The following NECAB1 variants were observed in gnomAD, a reference collection of about 807,000 sequenced individuals.
NECAB1 encodes N-terminal EF-hand calcium binding protein 1.
In NECAB1, 29 loss-of-function variants were observed where a neutral mutation model predicts 57.5. The observed-to-expected ratio is 0.50, with a 90% CI of 0.38 to 0.69. NECAB1 has a LOEUF of 0.69. Ranked by LOEUF, NECAB1 falls within the 30% of genes least tolerant of loss-of-function variation. NECAB1 has a pLI of 0.00. For missense variants in NECAB1, 372 were observed against 413.8 expected (o/e 0.90, Z 0.88); for synonymous variants, 142 against 147.7 (o/e 0.96, Z 0.28).
chr8:90,867,479 A>T (rs1808539743), intron 3 of NECAB1, among the ~76,000 whole-genome samples: 3 of 152,230 alleles, frequency 2.0e-5, no homozygotes, highest in Admixed American at 2.0e-4. Flanking sequence ...TAAGCTATCT[A>T]ATCTGAATCT....
chr8:90,802,239 G>A (rs1811768829), intron 2 of NECAB1, among the ~76,000 whole-genome samples: 1 of 152,172 alleles, frequency 6.6e-6, no homozygotes, highest in Non-Finnish European at 1.5e-5. Flanking sequence ...ATTGTTCCTG[G>A]CCACTGCTTT....
chr8:90,916,962 T>C (rs1809968545), intron 5 of NECAB1, among the ~76,000 whole-genome samples: 1 of 152,154 alleles, frequency 6.6e-6, no homozygotes, highest in East Asian at 1.9e-4. Context: ...AATCCTAACA[T>C]TTTCTGAATT....
chr8:90,836,023 TAAACTC>T (rs891119032), intron 3 of NECAB1, among the ~76,000 whole-genome samples: 27 of 152,326 alleles, frequency 1.8e-4, no homozygotes, highest in South Asian at 1.7e-3. Context: ...GACTCTCAGT[TAAACTC>T]AAGCACTTTT....
intron 3 of NECAB1, among the ~76,000 whole-genome samples, chr8:90,839,885 G>A (rs946971552): frequency 6.6e-6 from 1 of 152,292 alleles, no homozygotes; most frequent in East Asian, 1.9e-4. Context: ...TTAGGTTTAT[G>A]TTTTCAAAAG....
At chr8:90,860,653 G>A (rs1177713039) in intron 3 of NECAB1, among the ~76,000 whole-genome samples, 1 of 152,150 alleles carries the variant, frequency 6.6e-6, no homozygotes, top group Non-Finnish European at 1.5e-5. Context: ...CATAGCTTTT[G>A]TCAGATTCTC....
At chr8:90,828,414 T>C (rs1203117563) in intron 3 of NECAB1, among the ~76,000 whole-genome samples, 1 of 152,046 alleles carries the variant, frequency 6.6e-6, no homozygotes, top group Non-Finnish European at 1.5e-5. Context: ...GCAGTTGTAA[T>C]CACCTTTCAA....
At chr8:90,881,930 C>A in intron 5 of NECAB1, among the ~76,000 whole-genome samples, 1 of 152,106 alleles carries the variant, frequency 6.6e-6, no homozygotes, top group Admixed American at 6.5e-5. Context: ...GGGAACAGCA[C>A]GTGCAGAGGC....
intron 5 of NECAB1, among the ~76,000 whole-genome samples, chr8:90,907,151 T>TGAGAGAGAGAGA (rs71266152): frequency 1.6e-4 from 16 of 102,032 alleles, no homozygotes; most frequent in East Asian, 3.0e-4. Context: ...TGTGTGTGTG[T>TGAGAGAGAGAGA]GAGAGAGAGA....
intron 3 of NECAB1, among the ~76,000 whole-genome samples, chr8:90,827,945 TA>T (rs34771510): frequency 6.6e-6 from 1 of 151,740 alleles, no homozygotes; most frequent in African/African-American, 2.4e-5. Context: ...TGTAATTATT[TA>T]AAAAAAAGTC....
intron 5 of NECAB1, among the ~76,000 whole-genome samples, chr8:90,890,797 G>C (rs1169435259): frequency 1.3e-5 from 2 of 152,124 alleles, no homozygotes; most frequent in Non-Finnish European, 2.9e-5. Context: ...TTCCATTCTA[G>C]GAAATGAAAG....
At chr8:90,894,337 T>C (rs1207702904) in intron 5 of NECAB1, among the ~76,000 whole-genome samples, 1 of 152,212 alleles carries the variant, frequency 6.6e-6, no homozygotes, top group Non-Finnish European at 1.5e-5. Context: ...AGGTCATTTA[T>C]ATACATTAAA....
chr8:90,827,002 A>T (rs1386198848), intron 3 of NECAB1, among the ~76,000 whole-genome samples: 1 of 151,904 alleles, frequency 6.6e-6, no homozygotes, highest in Non-Finnish European at 1.5e-5. Context: ...TCTGAATTAT[A>T]TTCATGAAAT....
chr8:90,841,069 A>G (rs1812446713), intron 3 of NECAB1, among the ~76,000 whole-genome samples: 1 of 151,518 alleles, frequency 6.6e-6, no homozygotes. Context: ...CATCCTGGCT[A>G]ACATGTGAAA....
intron 2 of NECAB1, among the ~76,000 whole-genome samples, chr8:90,807,423 G>A (rs775012611): frequency 3.3e-5 from 5 of 152,142 alleles, no homozygotes; most frequent in Admixed American, 6.5e-5. Context: ...GGTTCGGTAC[G>A]TATGAGTATT....
intron 3 of NECAB1, among the ~76,000 whole-genome samples, chr8:90,834,881 C>A (rs1337699627): frequency 6.6e-6 from 1 of 152,040 alleles, no homozygotes; most frequent in Non-Finnish European, 1.5e-5. Flanking sequence ...CTTATACTAT[C>A]CCCCATAACC....
At chr8:90,796,021 G>A (rs1002787901) in intron 1 of NECAB1, among the ~76,000 whole-genome samples, 1 of 152,118 alleles carries the variant, frequency 6.6e-6, no homozygotes, top group East Asian at 1.9e-4. Flanking sequence ...AATACACTTA[G>A]TCTTACTGTT....
At position 90,805,866 on chromosome 8, in the gene NECAB1, G is replaced by A. The variant is rs570425993; in HGVS notation, c.124+4151G>A. ...ATTAAAACATTCATCACCACCCATC[G>A]TGTACATTAGAGCCCCAGAACTTGT... On this transcript the variant is annotated intron_variant, in intron 2 of 12. Transcript: ENST00000417640. Among the ~76,000 whole-genome samples, 123 of 152,118 alleles carry A rather than the reference G, an allele frequency of 8.1e-4. 1 individual carries two copies. The highest frequency in any genetic ancestry group is 1.4e-3 in the Non-Finnish European group (95 of 68,008).
chr8:90,874,456 G>A lies in NECAB1; in HGVS notation c.259+2303G>A, dbSNP rs751885404. ...TAAAATTTAACAGAATTATGTAGGCGTATAAGCTAACATGTCAATCTTCTG... is the reference window on the plus strand; with the variant it reads ...TAAAATTTAACAGAATTATGTAGGCATATAAGCTAACATGTCAATCTTCTG... On this transcript the variant is annotated intron_variant, in intron 4 of 12. Transcript: ENST00000417640. Among the ~76,000 whole-genome samples, 17 of 152,246 alleles carry A rather than the reference G, an allele frequency of 1.1e-4. 1 individual carries two copies. The highest frequency in any genetic ancestry group is 2.4e-4 in the African/African-American group (10 of 41,552).
At chr8:90,930,032 C>T (rs570644331) in intron 8 of NECAB1, among the ~76,000 whole-genome samples, 1 of 151,238 alleles carries the variant, frequency 6.6e-6, no homozygotes, top group Non-Finnish European at 1.5e-5. Flanking sequence ...AGTGACAAAC[C>T]AAAAAAAATC....
Sources: gnomAD v4.1 joint callset for allele counts (sites outside exome capture counted in the v4.1 genomes callset) on GRCh38, gnomAD v4.1.1 for gene constraint, MANE v1.5 for transcripts, NCBI Gene and HGNC (gene_info 2026-07-23, HGNC 2026-07-21) for gene names.